Variants in PDS5B observed in about 807,000 individuals in gnomAD.
PDS5B encodes sister chromatid cohesion protein PDS5 homolog B.
A neutral mutation model predicts 184.1 loss-of-function variants in PDS5B; 51 were observed. The observed-to-expected ratio is 0.28, with a 90% confidence interval of 0.22 to 0.35. PDS5B has a LOEUF of 0.35. Ranked by LOEUF, PDS5B falls within the 10% of genes least tolerant of loss-of-function variation. The pLI is 1.00. For missense variants in PDS5B, 1,180 were observed against 1,723.3 expected (o/e 0.68, Z 5.58); for synonymous variants, 566 against 569.2 (o/e 0.99, Z 0.08).
chr13:32,703,932 C>A (rs919681153), intron 17 of PDS5B, among the ~76,000 whole-genome samples: 1 of 152,034 alleles, frequency 6.6e-6, no homozygotes, highest in Non-Finnish European at 1.5e-5. Flanking sequence ...TCCATAGGGA[C>A]TCAGTGAAAT....
In PDS5B at chr13:32,609,035, T is replaced by G. The variant is rs189434059; in HGVS notation, c.-20+22442T>G. Reference sequence around the variant, plus strand: ...GAAGGGTAGTTGCTACCTAGCTAGGTTGATACAATACAAAGCCATCACAGT... The same window carrying G: ...GAAGGGTAGTTGCTACCTAGCTAGGGTGATACAATACAAAGCCATCACAGT... On this transcript the variant is annotated intron_variant, in intron 1 of 34. Coordinates refer to ENST00000315596, the MANE Select transcript of PDS5B (RefSeq NM_015032.4). 2.9e-4 allele frequency among the ~76,000 whole-genome samples: 44 copies of G among 152,308 alleles called. 1 individual carries two copies. In the East Asian group the frequency reaches 5.2e-3, roughly 18 times the overall value.
intron 17 of PDS5B, among the ~76,000 whole-genome samples, chr13:32,706,661 A>T (rs943195695): frequency 2.0e-5 from 3 of 152,316 alleles, no homozygotes; most frequent in East Asian, 3.9e-4. Flanking sequence ...CCTGCCATGG[A>T]AAAGATGATA....
chr13:32,664,158 T>C (rs1198195883), intron 6 of PDS5B, among the ~76,000 whole-genome samples: 2 of 152,350 alleles, frequency 1.3e-5, no homozygotes, highest in East Asian at 3.9e-4. Flanking sequence ...TTAAGCATGC[T>C]ATTTTTAATC....
intron 30 of PDS5B, among the ~76,000 whole-genome samples, chr13:32,761,816 A>G (rs1485434858): frequency 6.6e-6 from 1 of 152,204 alleles, no homozygotes; most frequent in Non-Finnish European, 1.5e-5. Flanking sequence ...ATTTGGGTAT[A>G]TAACCAGTAG....
intron 24 of PDS5B, among the ~76,000 whole-genome samples, chr13:32,752,317 A>C (rs1319397331): frequency 6.6e-6 from 1 of 152,070 alleles, no homozygotes; most frequent in Admixed American, 6.5e-5. Flanking sequence ...ATATAGAAAA[A>C]CGCGTAATAT....
intron 1 of PDS5B, among the ~76,000 whole-genome samples, chr13:32,628,108 A>G (rs1027663997): frequency 2.0e-5 from 3 of 152,206 alleles, no homozygotes; most frequent in Non-Finnish European, 4.4e-5. Context: ...CATAATACCT[A>G]TAGATTATTA....
intron 17 of PDS5B, among the ~76,000 whole-genome samples, chr13:32,701,801 A>G (rs981922692): frequency 1.3e-5 from 2 of 152,118 alleles, no homozygotes; most frequent in African/African-American, 2.4e-5. Flanking sequence ...AGGTAATATA[A>G]ATAAATTTTA....
At chr13:32,621,599 A>C (rs1176284043) in intron 1 of PDS5B, among the ~76,000 whole-genome samples, 1 of 152,192 alleles carries the variant, frequency 6.6e-6, no homozygotes, top group African/African-American at 2.4e-5. Flanking sequence ...GGAAGATTTT[A>C]ACTTAGTTTC....
intron 1 of PDS5B, among the ~76,000 whole-genome samples, chr13:32,641,880 A>C (rs1389241303): frequency 6.6e-6 from 1 of 152,140 alleles, no homozygotes; most frequent in African/African-American, 2.4e-5. Context: ...CCCAAGACTT[A>C]ATCTCTCTCT....
intron 19 of PDS5B, among the ~76,000 whole-genome samples, chr13:32,723,056 T>C (rs1253773369): frequency 6.6e-6 from 1 of 152,204 alleles, no homozygotes; most frequent in Non-Finnish European, 1.5e-5. Flanking sequence ...TAAGGTGTTT[T>C]TAAAAATTTT....
At chr13:32,733,015 C>T (rs1953179061) in intron 20 of PDS5B, among the ~76,000 whole-genome samples, 1 of 152,102 alleles carries the variant, frequency 6.6e-6, no homozygotes, top group African/African-American at 2.4e-5. Context: ...GTATATCCTC[C>T]AAACACCATC....
At chr13:32,622,112 T>A (rs999608427) in intron 1 of PDS5B, among the ~76,000 whole-genome samples, 4 of 152,138 alleles carry the variant, frequency 2.6e-5, no homozygotes, top group Non-Finnish European at 4.4e-5. Context: ...TCCACTCTTT[T>A]TTATCTTCTT....
At chr13:32,595,991 A>G (rs749381007) in intron 1 of PDS5B, among the ~76,000 whole-genome samples, 9 of 152,230 alleles carry the variant, frequency 5.9e-5, no homozygotes, top group Non-Finnish European at 1.0e-4. Flanking sequence ...TACTAAACAT[A>G]TATGTGACAA....
intron 19 of PDS5B, among the ~76,000 whole-genome samples, chr13:32,721,532 C>T (rs188166739): frequency 0.011 from 1,560 of 143,640 alleles, 27 homozygotes; most frequent in African/African-American, 0.037. Context: ...GACGGGGTGG[C>T]GGCCGGGCAG....
intron 24 of PDS5B, among the ~76,000 whole-genome samples, chr13:32,752,208 T>G (rs1007826993): frequency 1.9e-4 from 29 of 152,170 alleles, no homozygotes; most frequent in African/African-American, 6.8e-4. Context: ...ACATAACATT[T>G]ATTATATAGT....
rs552853383 is a variant in PDS5B, at chr13:32,694,340, A to G, written c.1551+36A>G. The stretch of plus-strand genomic sequence containing the variant: ...ATTTTTTCCTTCAATGTTTTTTAAA[A>G]CACATGTATTTTAATTACTATTTAC... On this transcript the variant is annotated intron_variant, in intron 14 of 34. Coordinates refer to ENST00000315596, the MANE Select transcript of PDS5B (RefSeq NM_015032.4). 1.4e-5 allele frequency: 18 copies of G among 1,266,268 alleles called. No homozygotes were observed. In the African/African-American group the frequency reaches 2.7e-4, roughly 19 times the overall value. The allele number at this position is 1,266,268 out of a possible 1,614,324, so 78.4% of individuals were successfully genotyped here. A position where few individuals can be genotyped will look rare whatever the true frequency, so the allele number is the denominator to read the frequency against.
chr13:32,606,538 G>T (rs578253211), intron 1 of PDS5B, among the ~76,000 whole-genome samples: 1 of 152,230 alleles, frequency 6.6e-6, no homozygotes, highest in East Asian at 1.9e-4. Flanking sequence ...TCTGACAATT[G>T]TGTGTGTTGG....
intron 24 of PDS5B, among the ~76,000 whole-genome samples, chr13:32,746,600 C>T (rs1013325133): frequency 5.9e-5 from 9 of 152,218 alleles, no homozygotes; most frequent in Non-Finnish European, 1.0e-4. Flanking sequence ...TGCTTTGGAA[C>T]GCCAGACAGC....
chr13:32,754,172 C>T (rs1255860633), intron 25 of PDS5B, among the ~76,000 whole-genome samples: 1 of 152,126 alleles, frequency 6.6e-6, no homozygotes, highest in African/African-American at 2.4e-5. Flanking sequence ...TATACATTGC[C>T]TCCCTGTTGT....
Sources: gnomAD v4.1 joint callset for allele counts (sites outside exome capture counted in the v4.1 genomes callset) on GRCh38, gnomAD v4.1.1 for gene constraint, MANE v1.5 for transcripts, NCBI Gene and HGNC (gene_info 2026-07-23, HGNC 2026-07-21) for gene names.